The following TMEM165 variants were observed in gnomAD, a reference collection of about 807,000 sequenced individuals.
TMEM165 encodes the protein transmembrane protein 165.
A neutral mutation model predicts 30.0 loss-of-function variants in TMEM165; 19 were observed. That is an observed-to-expected ratio of 0.63 (90% CI 0.44 to 0.93). TMEM165 has a LOEUF of 0.93. Among genes scored for constraint, TMEM165 ranks in the 40% least tolerant of loss-of-function variants. TMEM165 has a pLI of 0.00. For synonymous variants in TMEM165, 168 were observed against 162.9 expected, an observed-to-expected ratio of 1.03 and a Z score of -0.24; for missense variants, 340 against 417.0, an observed-to-expected ratio of 0.82 and a Z score of 1.61.
intron 1 of TMEM165, chr4:55,398,848 C>G (rs1349553180): frequency 7.0e-6 from 1 of 143,620 alleles, no homozygotes; most frequent in East Asian, 2.1e-4. Flanking sequence ...TCTGGAAAAA[C>G]TGGCTGTAAA....
At chr4:55,419,109 TTA>T (rs1290326696) in intron 4 of TMEM165, among the ~76,000 whole-genome samples, 1 of 152,168 alleles carries the variant, frequency 6.6e-6, no homozygotes, top group African/African-American at 2.4e-5. Context: ...AACATTATTT[TTA>T]TTTCAGTGCT....
Position 55,412,393 on chromosome 4 carries a change from CAAAA to C in TMEM165, c.433+575_433+578del, listed in dbSNP as rs371124857. On this transcript the variant is annotated intron_variant, in intron 2 of 5. Coordinates refer to ENST00000381334, the MANE Select transcript of TMEM165 (RefSeq NM_018475.5). ...TGGGTGATAGAGTGAGACTCCATCT[CAAAA>C]AAAAAAAAAAAAAAAAAAAAGGGAG... 1.3e-3 allele frequency among the ~76,000 whole-genome samples: 71 copies of C among 54,374 alleles called. 1 individual carries two copies. The East Asian group carries it at 0.035, about 27-fold the overall frequency. The allele number at this position is 54,374 out of a possible 152,430, so 35.7% of individuals were successfully genotyped here.
intron 3 of TMEM165, chr4:55,442,243 G>T: frequency 1.7e-6 from 1 of 595,390 alleles, no homozygotes. Context: ...AAAATTTGTT[G>T]TTACCCTTTA....
downstream of TMEM165, among the ~76,000 whole-genome samples, chr4:55,427,607 A>G (rs1383876840): frequency 6.6e-6 from 1 of 152,108 alleles, no homozygotes; most frequent in African/African-American, 2.4e-5. Context: ...AGCCTCCCAA[A>G]GTGCTAGGAT....
At chr4:55,408,723 CTG>C (rs1721371823) in intron 1 of TMEM165, among the ~76,000 whole-genome samples, 1 of 152,180 alleles carries the variant, frequency 6.6e-6, no homozygotes, top group African/African-American at 2.4e-5. Context: ...AACCATGAGA[CTG>C]TGTAGCTTTG....
chr4:55,399,910 A>G (rs1001226450), intron 1 of TMEM165, among the ~76,000 whole-genome samples: 2 of 151,128 alleles, frequency 1.3e-5, no homozygotes, highest in African/African-American at 4.9e-5. Flanking sequence ...TTTCCGTTTA[A>G]TATTTTCATA....
chr4:55,428,026 T>G (rs903298944), downstream of TMEM165: 2 of 152,176 alleles, frequency 1.3e-5, no homozygotes, highest in Non-Finnish European at 1.5e-5. Flanking sequence ...CTGAAAAACA[T>G]AGCACTGAGG....
intron 3 of TMEM165, among the ~76,000 whole-genome samples, chr4:55,450,469 T>C (rs1724334759): frequency 6.6e-6 from 1 of 152,162 alleles, no homozygotes. Context: ...TTACACCATA[T>C]ACAAAAATTA....
chr4:55,427,007 T>TAAAG (rs150282118), downstream of TMEM165, among the ~76,000 whole-genome samples: 2,547 of 151,458 alleles, frequency 0.017, 73 homozygotes, highest in African/African-American at 0.057. Flanking sequence ...TTGTTTGTTA[T>TAAAG]AAAGAAAGAG....
intron 3 of TMEM165, chr4:55,443,906 T>G: frequency 6.2e-7 from 1 of 1,609,172 alleles, no homozygotes; most frequent in Non-Finnish European, 8.5e-7. Context: ...TCTTTAAAAA[T>G]AAAGATTATG....
intron 3 of TMEM165, among the ~76,000 whole-genome samples, chr4:55,437,830 C>G (rs1723009350): frequency 6.6e-6 from 1 of 152,138 alleles, no homozygotes; most frequent in African/African-American, 2.4e-5. Context: ...TATTTCTCCT[C>G]TGATATTAAT....
At chr4:55,432,873 T>G (rs1487365947) in intron 3 of TMEM165, 1 of 152,532 alleles carries the variant, frequency 6.6e-6, no homozygotes, top group Non-Finnish European at 1.5e-5. Context: ...AGATGGGAAA[T>G]AATTGAAGGG....
intron 3 of TMEM165, among the ~76,000 whole-genome samples, chr4:55,441,501 G>A (rs2109673998): frequency 6.6e-6 from 1 of 152,260 alleles, no homozygotes; most frequent in East Asian, 1.9e-4. Context: ...CAACCAATGA[G>A]TGGAGAAAGA....
At chr4:55,412,874 T>C (rs556442085) in intron 2 of TMEM165, 3 of 152,252 alleles carry the variant, frequency 2.0e-5, no homozygotes, top group African/African-American at 7.2e-5. Flanking sequence ...TGAGTTGTTA[T>C]AGTTATTAGT....
At chr4:55,438,162 A>T in intron 3 of TMEM165, 3 of 1,283,974 alleles carry the variant, frequency 2.3e-6, no homozygotes, top group East Asian at 4.7e-5. Flanking sequence ...GTAGAGATTT[A>T]AACTGTACAA....
At chr4:55,445,582 CTTTTTTTTTTTTT>C (rs56157186) in intron 3 of TMEM165, among the ~76,000 whole-genome samples, 2 of 68,574 alleles carry the variant, frequency 2.9e-5, no homozygotes, top group Non-Finnish European at 5.5e-5. Context: ...TTTCTATATT[CTTTTTTTTTTTTT>C]TTTTTTTTTT....
downstream of TMEM165, chr4:55,431,029 A>G (rs575737744): frequency 9.2e-5 from 14 of 152,350 alleles, no homozygotes; most frequent in South Asian, 2.9e-3. Context: ...TCACCTAAGT[A>G]AGTGATGATT....
chr4:55,418,768 C>T (rs114277303), intron 4 of TMEM165, among the ~76,000 whole-genome samples: 343 of 152,074 alleles, frequency 2.3e-3, no homozygotes, highest in Non-Finnish European at 3.3e-3. Context: ...AAAAGAAGGC[C>T]GGGTGCCGTC....
intron 1 of TMEM165, among the ~76,000 whole-genome samples, chr4:55,400,271 TA>T (rs1560385857): frequency 2.3e-5 from 1 of 43,182 alleles, no homozygotes; most frequent in Admixed American, 3.5e-4. Flanking sequence ...ATATAATATA[TA>T]ATATAATATT....
Sources: gnomAD v4.1 joint callset for allele counts (sites outside exome capture counted in the v4.1 genomes callset) on GRCh38, gnomAD v4.1.1 for gene constraint, MANE v1.5 for transcripts, NCBI Gene and HGNC (gene_info 2026-07-23, HGNC 2026-07-21) for gene names.